The following NOX4 variants were observed in gnomAD, a reference collection of about 807,000 sequenced individuals.
The protein encoded by NOX4 is kidney oxidase-1.
A neutral mutation model predicts 87.6 loss-of-function variants in NOX4; 69 were observed. The observed-to-expected ratio is 0.79, with a 90% CI of 0.65 to 0.96. The LOEUF is 0.96. NOX4 is among the 40% of genes least tolerant of loss of function. The pLI is 0.00. For missense variants in NOX4, 680 were observed against 681.5 expected (o/e 1.00, Z 0.02); for synonymous variants, 275 against 238.2 (o/e 1.15, Z -1.42).
At chr11:89,534,451 C>T in the NOX4 span, among the ~76,000 whole-genome samples, 5 of 152,308 alleles carry the variant, frequency 3.3e-5, no homozygotes, top group South Asian at 6.2e-4. Context: ...TCCACCTCTC[C>T]TCCTCTTCAA....
At chr11:89,490,915 A>G (rs1312894204) in intron 1 of NOX4, 1 of 703,408 alleles carries the variant, frequency 1.4e-6, no homozygotes, top group South Asian at 1.5e-5. Context: ...AAAGGGTAAA[A>G]AGAAAAGCTG....
Position 89,354,962 on chromosome 11 carries a change from T to C in NOX4, c.1217A>G (p.Lys406Arg). 1.3e-6 allele frequency: 2 copies of C among 1,578,930 alleles called. No individual in the cohort carries two copies. Among genetic ancestry groups the C allele is most frequent in the Middle Eastern group, 1.7e-4 (1 of 5,984 alleles). The change falls in exon 13 of 18, where the codon AAG (lysine) becomes AGG (arginine). Residue 406 changes from lysine to arginine, a missense_variant and splice_region_variant. Coordinates refer to ENST00000263317, the MANE Select transcript of NOX4 (RefSeq NM_016931.5). The stretch of plus-strand genomic sequence containing the variant: ...AACCCAGTGAACTCCTTTTGCTTAC[T>C]TGGGATAATTTCTAGATTGAATGAA... ...LPFIQSRNYP[K>R]LYIDGPFGSP...
the NOX4 span, among the ~76,000 whole-genome samples, chr11:89,516,720 T>A: frequency 6.6e-6 from 1 of 152,024 alleles, no homozygotes; most frequent in Admixed American, 6.6e-5. Context: ...ATATTTTGGG[T>A]CTTACTCCTG....
intron 11 of NOX4, among the ~76,000 whole-genome samples, chr11:89,382,219 A>T (rs1027160439): frequency 6.6e-6 from 1 of 151,654 alleles, no homozygotes; most frequent in East Asian, 2.0e-4. Context: ...CTTCTTCACT[A>T]TGGGCAACCT....
chr11:89,438,418 AATT>A (rs1944205768), intron 6 of NOX4, among the ~76,000 whole-genome samples: 1 of 112,252 alleles, frequency 8.9e-6, no homozygotes, highest in African/African-American at 3.7e-5. Flanking sequence ...TATAATATAT[AATT>A]ATAATATAAT....
Position 89,432,678 on chromosome 11 carries a change from T to C in NOX4, c.548+106A>G, listed in dbSNP as rs1443586389. 3 of 756,550 alleles carry C rather than the reference T, an allele frequency of 4.0e-6. No individual in the cohort carries two copies. The South Asian group carries it at 4.8e-5, about 12-fold the overall frequency. The allele number at this position is 756,550 out of a possible 1,614,324, so 46.9% of individuals were successfully genotyped here. On this transcript the variant is annotated intron_variant, in intron 7 of 17. Coordinates refer to ENST00000263317, the MANE Select transcript of NOX4 (RefSeq NM_016931.5). ...ATACTTCACTCTTACTTACCCAGAA[T>C]AGTCCATTAACCAGGACACTACAAT...
chr11:89,359,608 G>T (rs1229792912), intron 12 of NOX4, among the ~76,000 whole-genome samples: 3 of 152,004 alleles, frequency 2.0e-5, no homozygotes, highest in Non-Finnish European at 4.4e-5. Flanking sequence ...TTTGCATCTA[G>T]AGATGTGATC....
At chr11:89,502,463 T>A (rs1386559534), upstream of NOX4, among the ~76,000 whole-genome samples, 1 of 152,018 alleles carries the variant, frequency 6.6e-6, no homozygotes, top group Non-Finnish European at 1.5e-5. Flanking sequence ...CTCTCTTTGA[T>A]CAAATAAGAC....
chr11:89,514,649 G>GGTTT, the NOX4 span, among the ~76,000 whole-genome samples: 760 of 151,658 alleles, frequency 5.0e-3, 3 homozygotes, highest in African/African-American at 0.01. Context: ...TTAAGTTGAG[G>GGTTT]GTTTGTTTGT....
chr11:89,363,735 G>T (rs1329626664), intron 12 of NOX4, among the ~76,000 whole-genome samples: 1 of 152,078 alleles, frequency 6.6e-6, no homozygotes, highest in Non-Finnish European at 1.5e-5. Flanking sequence ...CAACTAGAAA[G>T]ATATGGAGCA....
At chr11:89,502,689 T>C (rs573110225), upstream of NOX4, among the ~76,000 whole-genome samples, 229 of 152,166 alleles carry the variant, frequency 1.5e-3, 1 homozygote, top group African/African-American at 5.2e-3. Context: ...ACAATATGAA[T>C]TGATGACAGA....
chr11:89,337,638 T>C (rs760790698), intron 15 of NOX4, 123 bp from the exon 16 acceptor site: 10 of 1,336,440 alleles, frequency 7.5e-6, no homozygotes, highest in Non-Finnish European at 9.3e-6. Context: ...TCAATATCTA[T>C]AAGAAAATGA....
chr11:89,416,981 C>G (rs1401881552), intron 8 of NOX4, among the ~76,000 whole-genome samples: 1 of 152,110 alleles, frequency 6.6e-6, no homozygotes, highest in African/African-American at 2.4e-5. Context: ...TCATTGTCAT[C>G]CAAACATTTG....
rs1943102499 is a variant in NOX4 at position 89,421,893 on chromosome 11, T to C, written c.629+9A>G. 2 of 1,546,956 alleles carry C rather than the reference T, an allele frequency of 1.3e-6. No homozygotes were observed. Among genetic ancestry groups the C allele is most frequent in the Admixed American group, 2.1e-5 (1 of 48,682 alleles). On this transcript the variant is annotated intron_variant, in intron 8 of 17. Transcript: ENST00000263317. ...AAATGGTTTTAAATACATACATTTGTAAACTTACCCTGAAACATGCAACGT... is the reference window on the plus strand; with the variant it reads ...AAATGGTTTTAAATACATACATTTGCAAACTTACCCTGAAACATGCAACGT...
At chr11:89,372,343 T>C (rs932475288) in intron 12 of NOX4, among the ~76,000 whole-genome samples, 1 of 152,038 alleles carries the variant, frequency 6.6e-6, no homozygotes, top group African/African-American at 2.4e-5. Flanking sequence ...TGCTGAGGCA[T>C]TCATAATCTT....
At chr11:89,512,181 C>A in the NOX4 span, among the ~76,000 whole-genome samples, 6 of 152,104 alleles carry the variant, frequency 3.9e-5, no homozygotes, top group Non-Finnish European at 7.4e-5. Context: ...TGGACATATG[C>A]AAACGCCCAT....
chr11:89,429,182 C>G (rs1266402697), intron 7 of NOX4, among the ~76,000 whole-genome samples: 1 of 152,094 alleles, frequency 6.6e-6, no homozygotes, highest in Non-Finnish European at 1.5e-5. Flanking sequence ...ACACAACATA[C>G]CAGAATCTCT....
chr11:89,569,194 A>C, the NOX4 span, among the ~76,000 whole-genome samples: 1 of 152,126 alleles, frequency 6.6e-6, no homozygotes, highest in Non-Finnish European at 1.5e-5. Flanking sequence ...AAAAAAAAAA[A>C]ACAAAAATGG....
In NOX4 at chr11:89,384,644, C is replaced by T. The variant is rs566276714; in HGVS notation, c.1075-11152G>A. On this transcript the variant is annotated intron_variant, in intron 11 of 17. Coordinates refer to ENST00000263317, the MANE Select transcript of NOX4 (RefSeq NM_016931.5). ...CCATAGATCCTAAATCCTTTCTCCA[C>T]TCCCCTTTCCATTCCTTAAAAAACA... Among the ~76,000 whole-genome samples the T allele has an allele frequency of 4.6e-5, 7 of 152,260 alleles. No homozygotes were observed. The East Asian group carries it at 9.7e-4, about 21-fold the overall frequency.
Sources: gnomAD v4.1 joint callset for allele counts (sites outside exome capture counted in the v4.1 genomes callset) on GRCh38, gnomAD v4.1.1 for gene constraint, MANE v1.5 for transcripts, NCBI Gene and HGNC (gene_info 2026-07-23, HGNC 2026-07-21) for gene names.